Variants in ZCCHC2 observed in about 807,000 individuals in gnomAD.
ZCCHC2 encodes zinc finger CCHC-type containing 2.
ZCCHC2 carries 39 observed loss-of-function variants against 103.6 expected under a neutral mutation model. The ratio of observed to expected loss-of-function variants is 0.38; its 90% CI spans 0.29 to 0.49. The LOEUF is 0.49. Ranked by LOEUF, ZCCHC2 falls within the 20% of genes least tolerant of loss-of-function variation. The pLI, the probability that ZCCHC2 is intolerant of heterozygous loss-of-function variation, is 0.96. For synonymous variants in ZCCHC2, 687 were observed against 608.9 expected, an observed-to-expected ratio of 1.13 and a Z score of -1.89; for missense variants, 1,483 against 1,491.0, an observed-to-expected ratio of 0.99 and a Z score of 0.09.
At chr18:62,544,919 A>C in intron 4 of ZCCHC2, 46 bp downstream of exon 4, 1 of 1,430,712 alleles carries the variant, frequency 7.0e-7, no homozygotes, top group Non-Finnish European at 9.3e-7. Flanking sequence ...TATAATATAC[A>C]GAATCCAGAA....
At chr18:62,555,170 T>G (rs1042120224) in intron 5 of ZCCHC2, among the ~76,000 whole-genome samples, 2 of 152,216 alleles carry the variant, frequency 1.3e-5, no homozygotes, top group African/African-American at 4.8e-5. Flanking sequence ...TGCTTCATCT[T>G]ATAAGCGACT....
In ZCCHC2 at chr18:62,539,763, C is replaced by A. The variant is rs1915094562; in HGVS notation, c.1022C>A (p.Thr341Asn). The change falls in exon 2 of 14, where the codon ACC becomes AAC. Residue 341 changes from threonine (T) to asparagine (N), a missense_variant. Transcript: ENST00000269499. ...GCTCCAATACCTCAGGACGGACTTA[C>A]CGTGGCACCTCACAGAGCTCAGCGA... The part of the protein sequence containing the change: ...EQAPIPQDGL[T>N]VAPHRAQREA... 9 of 1,608,266 alleles carry A rather than the reference C, an allele frequency of 5.6e-6. No individual in the cohort carries two copies. The highest frequency in any genetic ancestry group is 2.2e-5 in the South Asian group (2 of 89,580).
At chr18:62,549,709 T>G (rs1915580832) in intron 4 of ZCCHC2, among the ~76,000 whole-genome samples, 1 of 152,240 alleles carries the variant, frequency 6.6e-6, no homozygotes, top group Admixed American at 6.5e-5. Flanking sequence ...AAAGTTTTAT[T>G]GGCCAAGTGT....
chr18:62,580,256 C>G (rs1917007538), downstream of ZCCHC2, among the ~76,000 whole-genome samples: 1 of 152,186 alleles, frequency 6.6e-6, no homozygotes. Flanking sequence ...TTTCTCCATT[C>G]TGTCAATGGA....
At chr18:62,529,429 CTCAGCCTTGTGTGGATGGTGGTGGT>C (rs1396349624) in intron 1 of ZCCHC2, among the ~76,000 whole-genome samples, 2 of 152,118 alleles carry the variant, frequency 1.3e-5, no homozygotes, top group Non-Finnish European at 2.9e-5. Flanking sequence ...CAGGTGAAAG[CTCAGCCTTGTGTGGATGGTGGTGGT>C]AGAGAAGTGG....
intron 1 of ZCCHC2, among the ~76,000 whole-genome samples, chr18:62,531,479 T>A (rs1052319709): frequency 6.6e-6 from 1 of 152,202 alleles, no homozygotes; most frequent in Non-Finnish European, 1.5e-5. Flanking sequence ...TATTTGGTCT[T>A]CCCAAAGTCC....
chr18:62,566,374 T>C (rs1161001065), intron 11 of ZCCHC2, among the ~76,000 whole-genome samples: 2 of 152,254 alleles, frequency 1.3e-5, no homozygotes. Flanking sequence ...TAACACTTAC[T>C]ATCTCTGAGG....
intron 1 of ZCCHC2, among the ~76,000 whole-genome samples, chr18:62,530,132 T>C (rs1914618035): frequency 6.6e-6 from 1 of 152,254 alleles, no homozygotes; most frequent in African/African-American, 2.4e-5. Context: ...GATAATTTTA[T>C]ATGTACTATA....
intron 2 of ZCCHC2, among the ~76,000 whole-genome samples, chr18:62,541,783 C>T (rs1223337061): frequency 2.6e-5 from 4 of 152,018 alleles, no homozygotes; most frequent in Admixed American, 2.0e-4. Context: ...TTAAAGGTGT[C>T]GTAAAATGGA....
chr18:62,549,816 G>C (rs1218303339), intron 4 of ZCCHC2, among the ~76,000 whole-genome samples: 3 of 152,168 alleles, frequency 2.0e-5, no homozygotes, highest in Non-Finnish European at 4.4e-5. Context: ...GTAATATTGA[G>C]GGTTTCTCAC....
chr18:62,563,080 A>G lies in ZCCHC2; in HGVS notation c.1622A>G (p.Asp541Gly). 6.2e-7 allele frequency: 1 copy of G among 1,613,986 alleles called. No individual in the cohort carries two copies. The highest frequency in any genetic ancestry group is 8.5e-7 in the Non-Finnish European group (1 of 1,179,874). Residue 541 changes from aspartate to glycine, a missense_variant, in exon 9 of 14, where the codon GAT becomes GGT. By Grantham distance (94) the Asp-to-Gly change is moderately conservative. Around this residue, in one of 3 missense-constraint regions of ZCCHC2, gnomAD observed 884 missense variants for 907.5 expected, o/e 0.97. Coordinates refer to ENST00000269499, the MANE Select transcript of ZCCHC2 (RefSeq NM_017742.6). ...TATTCTGAACAGAATGGAATTGTGGATTGGAGGAAGCAAAGCTGTACCACC... is the reference window on the plus strand; with the variant it reads ...TATTCTGAACAGAATGGAATTGTGGGTTGGAGGAAGCAAAGCTGTACCACC... Reference protein sequence around the residue: ...MQYSEQNGIVDWRKQSCTTIQ... With the variant: ...MQYSEQNGIVGWRKQSCTTIQ...
chr18:62,551,519 C>T (rs1598946987), intron 5 of ZCCHC2: 1 of 152,478 alleles, frequency 6.6e-6, no homozygotes, highest in East Asian at 1.9e-4. Flanking sequence ...GAGAACTAAG[C>T]TGGACTAGGA....
At chr18:62,528,340 A>G (rs1309474484) in intron 1 of ZCCHC2, among the ~76,000 whole-genome samples, 4 of 152,216 alleles carry the variant, frequency 2.6e-5, no homozygotes, top group African/African-American at 9.6e-5. Flanking sequence ...CACGCCTGTA[A>G]TCCCAGCACT....
In ZCCHC2 at chr18:62,547,325, T is replaced by TAA. The variant is rs78827586; in HGVS notation, c.1200+2468_1200+2469dup. Among the ~76,000 whole-genome samples the TAA allele has an allele frequency of 6.2e-3, 860 of 139,776 alleles. 6 individuals are homozygous for TAA. The highest frequency in any genetic ancestry group is 0.015 in the African/African-American group (563 of 37,228). 91.7% of individuals were successfully genotyped at this position (139,776 alleles called of 152,430 possible). Reference sequence around the variant, plus strand: ...GAGCGACAAGAGCAAAACTCCATCTTAAAAAAAAAAAAAAAAAGTTCAGGA... The same window carrying TAA: ...GAGCGACAAGAGCAAAACTCCATCTTAAAAAAAAAAAAAAAAAAAGTTCAGGA... On this transcript the variant is annotated intron_variant, in intron 4 of 13. Coordinates refer to ENST00000269499, the MANE Select transcript of ZCCHC2 (RefSeq NM_017742.6).
chr18:62,576,058 C>T (rs1427505222), intron 13 of ZCCHC2, among the ~76,000 whole-genome samples: 1 of 150,112 alleles, frequency 6.7e-6, no homozygotes, highest in Non-Finnish European at 1.5e-5. Flanking sequence ...GATTCTATTG[C>T]ATTAATACAG....
chr18:62,545,662 CAGTA>C (rs1216188594), intron 4 of ZCCHC2, among the ~76,000 whole-genome samples: 2 of 152,146 alleles, frequency 1.3e-5, no homozygotes, highest in African/African-American at 4.8e-5. Flanking sequence ...TATTCTTTCT[CAGTA>C]AGCAAATATT....
chr18:62,525,039 G>A (rs1296453300), intron 1 of ZCCHC2: 1 of 150,240 alleles, frequency 6.7e-6, no homozygotes, highest in Non-Finnish European at 1.5e-5. Context: ...TAGTAACGCA[G>A]GTTGTCCGGG....
At chr18:62,528,218 A>G (rs1355521759) in intron 1 of ZCCHC2, among the ~76,000 whole-genome samples, 1 of 152,266 alleles carries the variant, frequency 6.6e-6, no homozygotes. Context: ...TTGAACTCAC[A>G]AAACATATTT....
rs1449086956 is a variant in ZCCHC2, at chr18:62,577,150, A to G, written c.*571A>G. The G allele has an allele frequency of 1.3e-5, 2 of 154,304 alleles. No homozygotes were observed. Among genetic ancestry groups the G allele is most frequent in the African/African-American group, 2.4e-5 (1 of 41,448 alleles). The allele number at this position is 154,304 out of a possible 1,614,324, so 9.6% of individuals were successfully genotyped here. On this transcript the variant is annotated 3_prime_UTR_variant, in exon 14 of 14. Transcript: ENST00000269499. ...CACCCTGATCTTATGGGAGGAATCA[A>G]ACTCCCAAAATAGTGTGTATATATG... is the stretch of plus-strand genomic sequence containing the variant.
Sources: allele counts gnomAD v4.1 joint callset (sites outside exome capture counted in the v4.1 genomes callset), GRCh38; gene constraint gnomAD v4.1.1; regional missense constraint gnomAD v4.1.1; transcripts MANE v1.5; gene names NCBI Gene and HGNC (gene_info 2026-07-23, HGNC 2026-07-21).